LRRC8B: variants seen among roughly 807,000 people sequenced by gnomAD.
LRRC8B encodes volume-regulated anion channel subunit LRRC8B.
Under a neutral mutation model 58.8 loss-of-function variants are expected in LRRC8B, and 23 were observed. The observed-to-expected ratio is 0.39, with a 90% CI of 0.28 to 0.55. LRRC8B has a LOEUF of 0.55. Among genes scored for constraint, LRRC8B ranks in the 20% least tolerant of loss-of-function variants. LRRC8B has a pLI of 0.62. For synonymous variants in LRRC8B, 359 were observed against 374.1 expected (o/e 0.96, Z 0.47); for missense variants, 694 against 936.0 (o/e 0.74, Z 3.37).
intron 1 of LRRC8B, among the ~76,000 whole-genome samples, chr1:89,541,327 C>T (rs1650950587): frequency 2.0e-5 from 3 of 152,122 alleles, no homozygotes; most frequent in African/African-American, 7.2e-5. Context: ...ACCTCCTGGG[C>T]AGAGAGAGTT....
intron 3 of LRRC8B, among the ~76,000 whole-genome samples, chr1:89,575,837 G>A (rs1175343808): frequency 6.6e-6 from 1 of 152,106 alleles, no homozygotes; most frequent in Non-Finnish European, 1.5e-5. Flanking sequence ...ATGTTGCTAG[G>A]TGGTACTGAA....
intron 1 of LRRC8B, among the ~76,000 whole-genome samples, chr1:89,533,792 A>G (rs1414587039): frequency 6.6e-6 from 1 of 152,240 alleles, no homozygotes; most frequent in Non-Finnish European, 1.5e-5. Context: ...TAGGGAATAC[A>G]ATTAGCATAA....
intron 5 of LRRC8B, among the ~76,000 whole-genome samples, chr1:89,586,163 CA>C: frequency 6.6e-6 from 1 of 152,136 alleles, no homozygotes; most frequent in Admixed American, 6.5e-5. Context: ...CTTGCTGAAA[CA>C]CAGATGGCTG....
chr1:89,574,328 T>C (rs959232464), intron 3 of LRRC8B, among the ~76,000 whole-genome samples: 2 of 152,210 alleles, frequency 1.3e-5, no homozygotes, highest in African/African-American at 4.8e-5. Flanking sequence ...AATTGGTACC[T>C]AGAAGTGAGA....
intron 3 of LRRC8B, among the ~76,000 whole-genome samples, chr1:89,569,440 A>G (rs1165134356): frequency 2.6e-5 from 4 of 152,108 alleles, no homozygotes; most frequent in African/African-American, 9.7e-5. Flanking sequence ...TACAATAGGA[A>G]AACTTTCAGC....
chr1:89,550,964 G>T (rs536954575), intron 1 of LRRC8B, among the ~76,000 whole-genome samples: 1 of 151,872 alleles, frequency 6.6e-6, no homozygotes, highest in African/African-American at 2.4e-5. Context: ...ATCTATAATT[G>T]TTCTCTTTTG....
At chr1:89,544,992 A>AAGTTTTCTT (rs1488663870) in intron 1 of LRRC8B, among the ~76,000 whole-genome samples, 2 of 152,338 alleles carry the variant, frequency 1.3e-5, no homozygotes, top group African/African-American at 4.8e-5. Context: ...ACGTAATAGG[A>AAGTTTTCTT]AGTTTTCTTA....
chr1:89,561,271 T>C (rs1188213261), intron 1 of LRRC8B, among the ~76,000 whole-genome samples: 1 of 148,800 alleles, frequency 6.7e-6, no homozygotes, highest in Admixed American at 6.7e-5. Flanking sequence ...GAGTTCACTG[T>C]AGATTCTGGA....
chr1:89,545,418 C>T (rs1651329591), intron 1 of LRRC8B, among the ~76,000 whole-genome samples: 1 of 152,084 alleles, frequency 6.6e-6, no homozygotes, highest in Non-Finnish European at 1.5e-5. Context: ...ACACAATATA[C>T]CCAAAATAGC....
chr1:89,576,256 T>A (rs1160515232), intron 3 of LRRC8B, among the ~76,000 whole-genome samples: 1 of 152,194 alleles, frequency 6.6e-6, no homozygotes, highest in Non-Finnish European at 1.5e-5. Flanking sequence ...TAGCTGTTAC[T>A]TTGTAGTCTG....
rs1010314611 is a variant in LRRC8B at position 89,534,170 on chromosome 1, G to A, written c.-241+9148G>A. 3.3e-5 allele frequency among the ~76,000 whole-genome samples: 5 copies of A among 151,860 alleles called. No individual in the cohort carries two copies. The East Asian group carries it at 5.8e-4, about 18-fold the overall frequency. On this transcript the variant is annotated intron_variant, in intron 1 of 5. Coordinates refer to ENST00000330947, the MANE Select transcript of LRRC8B (RefSeq NM_001369817.2). Reference sequence around the variant, plus strand: ...AATGTTTTTGAGTATCCTCTAAAACGATTTTGAAAAACGACTTGTTCTCAT... The same window carrying A: ...AATGTTTTTGAGTATCCTCTAAAACAATTTTGAAAAACGACTTGTTCTCAT...
rs765737422 is a variant in LRRC8B, at chr1:89,583,464, A to G, written c.814A>G (p.Ile272Val). The change falls in exon 5 of 6, where the codon ATC (isoleucine) becomes GTC (valine). Residue 272 changes from isoleucine to valine, a missense_variant. Ile to Val is a conservative substitution (Grantham distance 29, BLOSUM62 3). Coordinates refer to ENST00000330947, the MANE Select transcript of LRRC8B (RefSeq NM_001369817.2). The surrounding 1 kb of genome is among the most constrained non-coding windows in gnomAD (Gnocchi z 5.2). ...IIVKVILFVL[I>V]ITYVPYFLTH... ...AGTCAAAGTCATTTTGTTTGTGCTC[A>G]TCATAACTTATGTTCCATATTTTTT... 1.2e-5 allele frequency: 19 copies of G among 1,614,116 alleles called. No individual in the cohort carries two copies. The highest frequency in any genetic ancestry group is 5.0e-5 in the Admixed American group (3 of 60,030).
intron 1 of LRRC8B, among the ~76,000 whole-genome samples, chr1:89,564,601 A>G (rs777922952): frequency 2.0e-5 from 3 of 152,150 alleles, no homozygotes; most frequent in Non-Finnish European, 4.4e-5. Context: ...CCCTAACTCT[A>G]TCACTCCTTT....
chr1:89,552,134 T>C (rs1570587152), intron 1 of LRRC8B, among the ~76,000 whole-genome samples: 1 of 152,214 alleles, frequency 6.6e-6, no homozygotes, highest in Non-Finnish European at 1.5e-5. Flanking sequence ...GCTGAAGTCA[T>C]AGGTAGTTCA....
rs1655256775 is a variant in LRRC8B, at chr1:89,595,808, G to T, written c.*2765G>T. ...TGGAGCAGATCTTTATTTTACAAGTGTTCATATTCACATAAGAGAATTTTA... is the reference window on the plus strand; with the variant it reads ...TGGAGCAGATCTTTATTTTACAAGTTTTCATATTCACATAAGAGAATTTTA... On this transcript the variant is annotated 3_prime_UTR_variant, in exon 6 of 6. Coordinates refer to ENST00000330947, the MANE Select transcript of LRRC8B (RefSeq NM_001369817.2). 1 of 152,006 alleles carries T rather than the reference G, an allele frequency of 6.6e-6. No homozygotes were observed. The highest frequency in any genetic ancestry group is 2.4e-5 in the African/African-American group (1 of 41,394). The allele number at this position is 152,006 out of a possible 1,614,324, so 9.4% of individuals were successfully genotyped here. A position where few individuals can be genotyped will look rare whatever the true frequency, so the allele number is the denominator to read the frequency against.
Position 89,583,847 on chromosome 1 carries a change from C to T in LRRC8B, c.1197C>T (p.Ile399=). 1 of 1,614,140 alleles carries T rather than the reference C, an allele frequency of 6.2e-7. No homozygotes were observed. The highest frequency in any genetic ancestry group is 8.5e-7 in the Non-Finnish European group (1 of 1,179,998). The change falls in exon 5 of 6, where the codon ATC becomes ATT. Residue 399 remains isoleucine, a synonymous_variant. Coordinates refer to ENST00000330947, the MANE Select transcript of LRRC8B (RefSeq NM_001369817.2). The surrounding 1 kb of genome is among the most constrained non-coding windows in gnomAD (Gnocchi z 5.2). ...TCAGTGAGAACAAACTGAAACAGAT[C>T]AACCTCAATAATGAATGGACAGTTG... ...SEVSENKLKQ[I]NLNNEWTVEK...
In LRRC8B at chr1:89,584,008, T is replaced by A; in HGVS notation, c.1358T>A (p.Val453Glu). ...EVLSLELIPEVKLPSAVSQLV... is the reference protein window; with the variant it reads ...EVLSLELIPEEKLPSAVSQLV... ...CTAAGCCTGGAGCTTATCCCAGAGG[T>A]GAAGCTGCCCTCTGCAGTCTCACAG... is the stretch of plus-strand genomic sequence containing the variant. Residue 453 changes from valine to glutamate, a missense_variant, in exon 5 of 6, where the codon GTG becomes GAG. Physicochemically the swap from Val to Glu is moderately radical, Grantham distance 121 (BLOSUM62 -2). Around this residue, in one of 5 missense-constraint regions of LRRC8B, gnomAD observed 162 missense variants for 198.5 expected, o/e 0.82. Transcript: ENST00000330947. 1 of 1,614,182 alleles carries A rather than the reference T, an allele frequency of 6.2e-7. No individual in the cohort carries two copies. The highest frequency in any genetic ancestry group is 8.5e-7 in the Non-Finnish European group (1 of 1,180,020).
At chr1:89,535,076 G>T (rs1650431468) in intron 1 of LRRC8B, among the ~76,000 whole-genome samples, 3 of 152,166 alleles carry the variant, frequency 2.0e-5, no homozygotes, top group South Asian at 2.1e-4. Context: ...CAGTAAAAGG[G>T]TGAATTTGAA....
rs189926203 is a variant in LRRC8B, at chr1:89,541,899, A to G, written c.-241+16877A>G. 4.2e-3 allele frequency among the ~76,000 whole-genome samples: 634 copies of G among 152,240 alleles called. 3 individuals are homozygous for G. Among genetic ancestry groups the G allele is most frequent in the Non-Finnish European group, 5.8e-3 (393 of 68,004 alleles). On this transcript the variant is annotated intron_variant, in intron 1 of 5. Transcript: ENST00000330947. ...TCACACATTCTTCAGAACAGAAAGC[A>G]TTGACTATACCAAGAATGAAATTTT...
Sources: gnomAD v4.1 joint callset for allele counts (sites outside exome capture counted in the v4.1 genomes callset) on GRCh38, gnomAD v4.1.1 for gene constraint, gnomAD v4.1.1 regional missense constraint, Gnocchi (gnomAD v3.1) non-coding constraint, MANE v1.5 for transcripts, NCBI Gene and HGNC (gene_info 2026-07-23, HGNC 2026-07-21) for gene names.